FAM53A: variants seen among roughly 807,000 people sequenced by gnomAD.
The protein encoded by FAM53A is protein FAM53A.
In FAM53A, 28 loss-of-function variants were observed where a neutral mutation model predicts 26.6. The observed-to-expected ratio is 1.05, with a 90% confidence interval of 0.78 to 1.45. The LOEUF (loss-of-function observed/expected upper bound fraction) is 1.45. FAM53A is among the 40% of genes most tolerant of loss of function. The pLI, the probability that FAM53A is intolerant of heterozygous loss-of-function variation, is 0.00. For missense variants in FAM53A, 650 were observed against 575.8 expected (o/e 1.13, Z -1.32); for synonymous variants, 290 against 253.1 (o/e 1.15, Z -1.38).
At chr4:1,649,897 G>A (rs956832841) in intron 4 of FAM53A, among the ~76,000 whole-genome samples, 105 of 147,348 alleles carry the variant, frequency 7.1e-4, no homozygotes, top group East Asian at 1.9e-3. Context: ...TGGCACAGGC[G>A]TGGCGTTTGA....
chr4:1,594,009 G>A, the FAM53A span, among the ~76,000 whole-genome samples: 1 of 152,210 alleles, frequency 6.6e-6, no homozygotes, highest in Non-Finnish European at 1.5e-5. Context: ...CGACCCGAGG[G>A]AGAGCAGGGG....
Position 1,668,645 on chromosome 4 carries a change from G to A in FAM53A, c.75+22C>T, listed in dbSNP as rs575586467. 70 of 1,613,734 alleles carry A rather than the reference G, an allele frequency of 4.3e-5. No homozygotes were observed. The South Asian group carries it at 6.5e-4, about 15-fold the overall frequency. On this transcript the variant is annotated intron_variant, in intron 2 of 4. Transcript: ENST00000308132. Reference sequence around the variant, plus strand: ...AGCACGGGGGAGGGGCACCCAGCCTGGTGCCACCTGCAGCTGCTTACCGGG... The same window carrying A: ...AGCACGGGGGAGGGGCACCCAGCCTAGTGCCACCTGCAGCTGCTTACCGGG...
At chr4:1,605,497 A>G in the FAM53A span, among the ~76,000 whole-genome samples, 1 of 152,208 alleles carries the variant, frequency 6.6e-6, no homozygotes, top group African/African-American at 2.4e-5. The surrounding 1 kb of genome is among the most constrained non-coding windows in gnomAD (Gnocchi z 5.7). Context: ...TGAGAGGCCC[A>G]GAGCAAGATG....
Position 1,655,569 on chromosome 4 carries a change from C to A in FAM53A, c.291G>T (p.Leu97=). The change falls in exon 4 of 5, where the codon CTG becomes CTT. Residue 97 remains leucine, a synonymous_variant. Transcript: ENST00000308132. ...TGGGGTCCACGGTGCTGGCTGCACC[C>A]AGGCCTGCGCCTGGGCGCGGGGACT... ...QPQSPRPGAG[L]GAASTVDPSE... is the part of the protein sequence containing the mutation. 1 of 1,578,664 alleles carries A rather than the reference C, an allele frequency of 6.3e-7. No homozygotes were observed. Among genetic ancestry groups the A allele is most frequent in the Non-Finnish European group, 8.6e-7 (1 of 1,161,708 alleles).
the FAM53A span, among the ~76,000 whole-genome samples, chr4:1,583,158 G>T: frequency 1.6e-4 from 24 of 152,228 alleles, no homozygotes; most frequent in Admixed American, 1.4e-3. Context: ...CACACTGTGG[G>T]TGCCAGAGAC....
At chr4:1,575,756 G>C in the FAM53A span, among the ~76,000 whole-genome samples, 1,321 of 152,230 alleles carry the variant, frequency 8.7e-3, 22 homozygotes, top group African/African-American at 0.031. Context: ...AGCAGGAGCT[G>C]GGGGCAGAAT....
intron 2 of FAM53A, among the ~76,000 whole-genome samples, chr4:1,667,951 G>A (rs1560193088): frequency 6.6e-6 from 1 of 152,174 alleles, no homozygotes; most frequent in Non-Finnish European, 1.5e-5. Context: ...CCCGCAGGAA[G>A]CTAACGTGGT....
intron 1 of FAM53A, among the ~76,000 whole-genome samples, chr4:1,676,708 G>A (rs990088296): frequency 2.6e-5 from 4 of 152,096 alleles, no homozygotes; most frequent in Non-Finnish European, 4.4e-5. Context: ...GCCGCAGCGC[G>A]CCCCTCTGAG....
chr4:1,679,051 TC>T (rs1715226714), intron 1 of FAM53A, among the ~76,000 whole-genome samples: 1 of 152,080 alleles, frequency 6.6e-6, no homozygotes, highest in Non-Finnish European at 1.5e-5. Context: ...AAATATCTGC[TC>T]TGCAAAAGAC....
the FAM53A span, among the ~76,000 whole-genome samples, chr4:1,604,490 A>T: frequency 1.3e-5 from 2 of 152,080 alleles, no homozygotes; most frequent in Non-Finnish European, 2.9e-5. Context: ...ACCCAAGGTC[A>T]GCACATCCCC....
At chr4:1,681,645 C>T (rs1211897359) in intron 1 of FAM53A, among the ~76,000 whole-genome samples, 2 of 151,706 alleles carry the variant, frequency 1.3e-5, no homozygotes, top group Admixed American at 6.6e-5. Context: ...TACAGGTGCA[C>T]ACCACCATAC....
chr4:1,635,834 T>C (rs1715812862), downstream of FAM53A, among the ~76,000 whole-genome samples: 1 of 140,954 alleles, frequency 7.1e-6, no homozygotes, highest in Non-Finnish European at 1.5e-5. Context: ...ATAATACTAA[T>C]TCTTTTTTTT....
At chr4:1,602,680 G>A in the FAM53A span, among the ~76,000 whole-genome samples, 136 of 152,260 alleles carry the variant, frequency 8.9e-4, 1 homozygote, top group Non-Finnish European at 4.6e-4. Flanking sequence ...CCCCCTCCCC[G>A]CCAGGCAGGA....
At chr4:1,582,011 C>A in the FAM53A span, among the ~76,000 whole-genome samples, 36,945 of 151,896 alleles carry the variant, frequency 0.24, 5,590 homozygotes, top group Admixed American at 0.33. Flanking sequence ...CCTGCCTTGG[C>A]CTCCCAAAGT....
At chr4:1,617,129 CTTGAAATTT>C (rs1714839419), downstream of FAM53A, among the ~76,000 whole-genome samples, 2 of 151,224 alleles carry the variant, frequency 1.3e-5, no homozygotes, top group African/African-American at 4.9e-5. Context: ...GAGACTCCAT[CTTGAAATTT>C]TAAAAAAAAG....
At chr4:1,596,005 G>A in the FAM53A span, among the ~76,000 whole-genome samples, 4 of 152,252 alleles carry the variant, frequency 2.6e-5, no homozygotes, top group Admixed American at 6.5e-5. Flanking sequence ...ATCTTGAGAC[G>A]TGGGGCCACA....
At chr4:1,653,941 G>A (rs545706053) in intron 4 of FAM53A, among the ~76,000 whole-genome samples, 112 of 152,174 alleles carry the variant, frequency 7.4e-4, no homozygotes, top group Non-Finnish European at 1.3e-3. Flanking sequence ...CAGCCCACCC[G>A]AGCAAGACAG....
At chr4:1,596,729 C>A in the FAM53A span, among the ~76,000 whole-genome samples, 1 of 152,184 alleles carries the variant, frequency 6.6e-6, no homozygotes, top group African/African-American at 2.4e-5. Flanking sequence ...CTTCCAGATT[C>A]CCAACTGTAC....
At chr4:1,601,891 G>A in the FAM53A span, among the ~76,000 whole-genome samples, 6 of 44,812 alleles carry the variant, frequency 1.3e-4, 2 homozygotes, top group Non-Finnish European at 2.2e-4. Flanking sequence ...GGGGATGGGC[G>A]GCCAGTCCAG....
Sources: allele counts gnomAD v4.1 joint callset (sites outside exome capture counted in the v4.1 genomes callset), GRCh38; gene constraint gnomAD v4.1.1; non-coding constraint Gnocchi (gnomAD v3.1); transcripts MANE v1.5; gene names NCBI Gene and HGNC (gene_info 2026-07-23, HGNC 2026-07-21).